Variants in SVIL observed in about 807,000 individuals in gnomAD.
The protein encoded by SVIL is supervillin, also known as archvillin.
Under a neutral mutation model 240.4 loss-of-function variants are expected in SVIL, and 101 were observed. The ratio of observed to expected loss-of-function variants is 0.42; its 90% CI spans 0.36 to 0.50. The LOEUF (loss-of-function observed/expected upper bound fraction) is 0.50, where lower values mean the gene tolerates loss of function less well. Among genes scored for constraint, SVIL ranks in the 20% least tolerant of loss-of-function variants. SVIL has a pLI of 0.01. For synonymous variants in SVIL, 999 were observed against 1,100.0 expected, an observed-to-expected ratio of 0.91 and a Z score of 1.82; for missense variants, 2,512 against 2,818.7, an observed-to-expected ratio of 0.89 and a Z score of 2.46.
At chr10:29,606,672 G>A (rs569573986) in intron 1 of SVIL, among the ~76,000 whole-genome samples, 1 of 152,090 alleles carries the variant, frequency 6.6e-6, no homozygotes, top group Non-Finnish European at 1.5e-5. Context: ...ATTTTCTCCA[G>A]TTGCCTCAAA....
At position 29,470,467 on chromosome 10, in the gene SVIL, G is replaced by A. The variant is rs142742769; in HGVS notation, c.5652C>T (p.Tyr1884=). ...EENVQSEWRL[Y]CVRGEVPVEG... ...CCACGGGCACCTCTCCACGCACGCA[G>A]TACAGCCGCCACTCACCTGCAGGGG... is the stretch of plus-strand genomic sequence containing the variant. Residue 1884 remains tyrosine (Y), a synonymous_variant, in exon 32 of 38, where the codon TAC becomes TAT. Transcript: ENST00000355867. 4.3e-6 allele frequency: 7 copies of A among 1,613,136 alleles called. No homozygotes were observed. In the African/African-American group the frequency reaches 9.3e-5, roughly 22 times the overall value.
chr10:29,665,226 T>TC (rs1171909655), intron 2 of SVIL, among the ~76,000 whole-genome samples: 2 of 39,106 alleles, frequency 5.1e-5, no homozygotes, highest in Non-Finnish European at 8.5e-5. Flanking sequence ...AGATCTTGTC[T>TC]CAAAAAAAAA....
chr10:29,562,779 A>AG (rs1954621011), intron 3 of SVIL, among the ~76,000 whole-genome samples: 7 of 149,510 alleles, frequency 4.7e-5, no homozygotes, highest in Admixed American at 2.0e-4. Context: ...GAAAAAAAAA[A>AG]AAAAAAAAAA....
chr10:29,595,332 G>A (rs568007301), intron 1 of SVIL, among the ~76,000 whole-genome samples: 142 of 152,306 alleles, frequency 9.3e-4, no homozygotes, highest in African/African-American at 3.4e-3. Context: ...AGTTTGCTAG[G>A]GTAAGAATGG....
upstream of SVIL, among the ~76,000 whole-genome samples, chr10:29,636,398 T>C (rs1958312250): frequency 6.6e-6 from 1 of 152,188 alleles, no homozygotes; most frequent in African/African-American, 2.4e-5. Flanking sequence ...GTTACCACAA[T>C]AGTGCTATTT....
intron 26 of SVIL, among the ~76,000 whole-genome samples, chr10:29,485,155 T>C (rs1947276397): frequency 6.6e-6 from 1 of 151,840 alleles, no homozygotes; most frequent in Non-Finnish European, 1.5e-5. Flanking sequence ...CCTGCCTCTC[T>C]CCCCTATTCC....
At chr10:29,603,497 AC>A (rs1185467168) in intron 1 of SVIL, among the ~76,000 whole-genome samples, 1 of 151,622 alleles carries the variant, frequency 6.6e-6, no homozygotes, top group African/African-American at 2.4e-5. Context: ...TTTGGTCTCA[AC>A]CACAGTGAAA....
In SVIL at chr10:29,527,019, G is replaced by A; in HGVS notation, c.2284C>T (p.Pro762Ser). ...GGGCTAGGAAGTCTCGCCATTACAG[G>A]GTGGGTGCCCCCAGAACACGAAGCG... ...IPASCSGGTH[P>S]VMARLPSPTV... The change falls in exon 13 of 38, where the codon CCT becomes TCT. Residue 762 changes from proline (P) to serine (S), a missense_variant. Coordinates refer to ENST00000355867, the MANE Select transcript of SVIL (RefSeq NM_021738.3). The A allele has an allele frequency of 6.2e-7, 1 of 1,613,672 alleles. No individual in the cohort carries two copies. The highest frequency in any genetic ancestry group is 8.5e-7 in the Non-Finnish European group (1 of 1,179,852).
intron 16 of SVIL, among the ~76,000 whole-genome samples, chr10:29,521,148 G>A (rs573925802): frequency 7.9e-5 from 12 of 151,312 alleles, no homozygotes; most frequent in Middle Eastern, 3.4e-3. Flanking sequence ...GCTTGAACCC[G>A]GGAGGCAGAG....
chr10:29,470,755 A>G (rs1021599364), intron 31 of SVIL, among the ~76,000 whole-genome samples: 3 of 152,218 alleles, frequency 2.0e-5, no homozygotes, highest in Admixed American at 1.3e-4. Context: ...CCCAAGATTT[A>G]TACAACAAGT....
chr10:29,462,326 A>G lies in SVIL; in HGVS notation c.6353T>C (p.Met2118Thr), dbSNP rs916080068. ...CTCTCTGTGCTCCCAGCTGGGAAAC[A>G]TATTGGTGAATGTCAGGGGCTCCAG... ...AGLEPLTFTN[M>T]FPSWEHREDI... The change falls in exon 36 of 38, where the codon ATG becomes ACG. Residue 2118 changes from methionine (M) to threonine (T), a missense_variant. By Grantham distance (81) the Met-to-Thr change is moderately conservative. Transcript: ENST00000355867. 1.9e-6 allele frequency: 3 copies of G among 1,614,058 alleles called. No individual in the cohort carries two copies. The highest frequency in any genetic ancestry group is 2.2e-5 in the East Asian group (1 of 44,882).
intron 1 of SVIL, among the ~76,000 whole-genome samples, chr10:29,601,870 C>T (rs571958080): frequency 4.6e-5 from 7 of 152,138 alleles, no homozygotes; most frequent in Non-Finnish European, 7.4e-5. Flanking sequence ...CTTTCCTCTC[C>T]CTCTCTCTTT....
chr10:29,704,972 A>G (rs972321931), intron 1 of SVIL, among the ~76,000 whole-genome samples: 3 of 152,226 alleles, frequency 2.0e-5, no homozygotes, highest in Non-Finnish European at 4.4e-5. Context: ...GATGTACGCA[A>G]TGGATCTGTC....
At chr10:29,472,385 T>C (rs10826629) in intron 30 of SVIL, among the ~76,000 whole-genome samples, 42,470 of 152,196 alleles carry the variant, frequency 0.28, 6,388 homozygotes, top group East Asian at 0.54. Flanking sequence ...TTCTTGGAAC[T>C]GTGGAAGGCT....
chr10:29,657,122 C>G (rs1453809554), intron 3 of SVIL, among the ~76,000 whole-genome samples: 2 of 152,112 alleles, frequency 1.3e-5, no homozygotes, highest in African/African-American at 4.8e-5. Flanking sequence ...CTGCAGATAC[C>G]AGGCTCTTAA....
intron 1 of SVIL, among the ~76,000 whole-genome samples, chr10:29,691,746 C>G (rs1307216559): frequency 1.3e-5 from 2 of 152,078 alleles, no homozygotes; most frequent in Admixed American, 1.3e-4. Flanking sequence ...GACAACAAAC[C>G]CCCCATCTAC....
intron 1 of SVIL, among the ~76,000 whole-genome samples, chr10:29,730,425 T>A (rs1157848046): frequency 6.6e-6 from 1 of 152,114 alleles, no homozygotes; most frequent in East Asian, 1.9e-4. Context: ...TTAGTTCTAA[T>A]CTTAGCGCAG....
At chr10:29,538,151 G>A (rs542019187) in intron 6 of SVIL, among the ~76,000 whole-genome samples, 1 of 152,322 alleles carries the variant, frequency 6.6e-6, no homozygotes, top group Non-Finnish European at 1.5e-5. Flanking sequence ...TAGGCTGAAT[G>A]CTTTCTGTAT....
intron 2 of SVIL, among the ~76,000 whole-genome samples, chr10:29,564,247 G>C (rs866930098): frequency 6.6e-6 from 1 of 152,130 alleles, no homozygotes; most frequent in African/African-American, 2.4e-5. Flanking sequence ...TTACAGATCC[G>C]GAAATTGTTA....
Sources: gnomAD v4.1 joint callset for allele counts (sites outside exome capture counted in the v4.1 genomes callset) on GRCh38, gnomAD v4.1.1 for gene constraint, MANE v1.5 for transcripts, NCBI Gene and HGNC (gene_info 2026-07-23, HGNC 2026-07-21) for gene names.